Variants in STK31 observed in about 807,000 individuals in gnomAD.
STK31 encodes the protein serine/threonine kinase 31.
STK31 carries 89 observed loss-of-function variants against 129.7 expected under a neutral mutation model. The observed-to-expected ratio is 0.69, with a 90% CI of 0.58 to 0.82. The LOEUF is 0.82. Ranked by LOEUF, STK31 falls within the 40% of genes least tolerant of loss-of-function variation. The pLI is 0.00. For synonymous variants in STK31, 448 were observed against 395.3 expected (o/e 1.13, Z -1.58); for missense variants, 1,187 against 1,176.4 (o/e 1.01, Z -0.13).
chr7:23,830,626 G>C (rs901446911), intron 23 of STK31, among the ~76,000 whole-genome samples: 48 of 146,102 alleles, frequency 3.3e-4, no homozygotes, highest in African/African-American at 1.2e-3. Flanking sequence ...GTGTGTGTGT[G>C]TGTTGTTTTT....
chr7:23,721,847 T>C, intron 4 of STK31: 1 of 487,628 alleles, frequency 2.1e-6, no homozygotes, highest in East Asian at 4.1e-5. Context: ...AGTGATACCC[T>C]TTCTTCCACT....
chr7:23,761,255 A>G (rs1444514117), intron 10 of STK31, among the ~76,000 whole-genome samples: 2 of 151,920 alleles, frequency 1.3e-5, no homozygotes, highest in African/African-American at 4.8e-5. Flanking sequence ...CTTAAAGTTT[A>G]CTTGATAGAT....
rs747194001 is a variant in STK31, at chr7:23,783,622, C to T, written c.2107C>T (p.Leu703=). The T allele has an allele frequency of 1.2e-6, 2 of 1,611,926 alleles. No individual in the cohort carries two copies. Among genetic ancestry groups the T allele is most frequent in the Non-Finnish European group, 1.7e-6 (2 of 1,179,482 alleles). Residue 703 remains leucine, a synonymous_variant, in exon 17 of 24, where the codon CTG becomes TTG. Coordinates refer to ENST00000355870, the MANE Select transcript of STK31 (RefSeq NM_031414.5). ...TSLAQKWFPE[L]PLLHPEIGLL... is the part of the protein sequence containing the mutation. The stretch of plus-strand genomic sequence containing the variant: ...TTTGGCACAGAAATGGTTCCCTGAG[C>T]TGCCTCTGCTTCATCCTGAAATAGG...
intron 4 of STK31, chr7:23,721,444 G>C (rs370595449): frequency 1.2e-6 from 1 of 849,720 alleles, no homozygotes; most frequent in East Asian, 2.9e-5. Flanking sequence ...CCTCTTCTTT[G>C]TTATCTTCCA....
At chr7:23,714,204 C>G (rs1306629084) in intron 3 of STK31, among the ~76,000 whole-genome samples, 2 of 152,116 alleles carry the variant, frequency 1.3e-5, no homozygotes, top group Non-Finnish European at 2.9e-5. Flanking sequence ...GGGGCAAATT[C>G]GTGTGTCTGC....
Position 23,725,942 on chromosome 7 carries a change from TGA to T in STK31, c.250-1293_250-1292del, listed in dbSNP as rs1787037347. ...GAGCCAGTGTCTGTAGATTACATGG[TGA>T]GAGAGGAAGCAAAGGGAGGAAGAGG... is the stretch of plus-strand genomic sequence containing the variant. On this transcript the variant is annotated intron_variant, in intron 4 of 23. Coordinates refer to ENST00000355870, the MANE Select transcript of STK31 (RefSeq NM_031414.5). 3.3e-5 allele frequency: 5 copies of T among 152,252 alleles called. No homozygotes were observed. In the South Asian group the frequency reaches 1.0e-3, roughly 32 times the overall value. The allele number at this position is 152,252 out of a possible 1,614,324, so 9.4% of individuals were successfully genotyped here.
intron 19 of STK31, 22 bp downstream of exon 19, chr7:23,786,655 C>A: frequency 6.3e-7 from 1 of 1,598,068 alleles, no homozygotes. Flanking sequence ...ATGCTAATCT[C>A]TTGCAGAAAC....
At chr7:23,749,487 T>C (rs4719735) in intron 8 of STK31, among the ~76,000 whole-genome samples, 68,444 of 147,940 alleles carry the variant, frequency 0.46, 16,377 homozygotes, top group Admixed American at 0.55. Flanking sequence ...GGACTACAGG[T>C]GTGCACCACC....
At chr7:23,741,773 G>A (rs1788067230) in intron 8 of STK31, among the ~76,000 whole-genome samples, 1 of 152,198 alleles carries the variant, frequency 6.6e-6, no homozygotes, top group Non-Finnish European at 1.5e-5. Flanking sequence ...TGGGGAGTGT[G>A]TTCTACTCAA....
chr7:23,762,527 A>G (rs567271021), intron 10 of STK31, among the ~76,000 whole-genome samples: 1 of 152,182 alleles, frequency 6.6e-6, no homozygotes, highest in Non-Finnish European at 1.5e-5. Context: ...AGGAACTTAT[A>G]TAATTTTCTG....
intron 6 of STK31, among the ~76,000 whole-genome samples, chr7:23,733,522 G>T (rs1389157525): frequency 6.6e-6 from 1 of 150,908 alleles, no homozygotes; most frequent in Non-Finnish European, 1.5e-5. Flanking sequence ...TAAAATAAAT[G>T]TGTCAGCTGG....
intron 22 of STK31, among the ~76,000 whole-genome samples, chr7:23,812,755 A>C (rs1040724529): frequency 1.3e-5 from 2 of 151,950 alleles, no homozygotes; most frequent in African/African-American, 4.8e-5. Flanking sequence ...CTTATAAGTG[A>C]GAAAATGCAG....
intron 15 of STK31, among the ~76,000 whole-genome samples, chr7:23,777,830 T>G (rs1790657710): frequency 6.6e-6 from 1 of 152,166 alleles, no homozygotes; most frequent in Non-Finnish European, 1.5e-5. Flanking sequence ...ATTTCACCTG[T>G]TTACATTTCA....
chr7:23,710,805 C>A, intron 1 of STK31: 1 of 1,010,672 alleles, frequency 9.9e-7, no homozygotes, highest in Non-Finnish European at 1.2e-6. Context: ...AAAAACTACT[C>A]TAGAAGTAGC....
At chr7:23,729,284 A>T in intron 6 of STK31, 35 bp downstream of exon 6, 2 of 1,543,424 alleles carry the variant, frequency 1.3e-6, no homozygotes, top group Non-Finnish European at 1.7e-6. Context: ...TTGCTAATGA[A>T]AGTAAAACTA....
chr7:23,757,124 C>CT (rs1273673048), intron 10 of STK31, among the ~76,000 whole-genome samples: 1 of 151,980 alleles, frequency 6.6e-6, no homozygotes, highest in Admixed American at 6.6e-5. Context: ...TGGTCCTGGG[C>CT]TTTTTTTGGT....
chr7:23,820,097 T>C (rs893562920), intron 23 of STK31, among the ~76,000 whole-genome samples: 2 of 152,206 alleles, frequency 1.3e-5, no homozygotes, highest in Non-Finnish European at 2.9e-5. Context: ...TTTTGAGAGA[T>C]TTCAGCTATG....
intron 8 of STK31, among the ~76,000 whole-genome samples, chr7:23,752,513 T>C (rs1466073394): frequency 1.3e-5 from 2 of 152,138 alleles, no homozygotes; most frequent in Non-Finnish European, 2.9e-5. Context: ...CACACCCATG[T>C]ATTTTTTCGT....
intron 8 of STK31, 24 bp downstream of exon 8, chr7:23,737,102 A>T: frequency 6.4e-7 from 1 of 1,558,280 alleles, no homozygotes; most frequent in Non-Finnish European, 8.6e-7. Context: ...CTTAAGGTGA[A>T]GAGTGTCCAA....
Sources: gnomAD v4.1 joint callset for allele counts (sites outside exome capture counted in the v4.1 genomes callset) on GRCh38, gnomAD v4.1.1 for gene constraint, MANE v1.5 for transcripts, NCBI Gene and HGNC (gene_info 2026-07-23, HGNC 2026-07-21) for gene names.